Variants in BMP2K observed in about 807,000 individuals in gnomAD.
BMP2K encodes BMP-2-inducible protein kinase.
In BMP2K, 74 loss-of-function variants were observed where a neutral mutation model predicts 116.0. The ratio of observed to expected loss-of-function variants is 0.64; its 90% CI spans 0.53 to 0.77. The LOEUF is 0.77. Ranked by LOEUF, BMP2K falls within the 30% of genes least tolerant of loss-of-function variation. BMP2K has a pLI of 0.00. For synonymous variants in BMP2K, 486 were observed against 502.5 expected (o/e 0.97, Z 0.44); for missense variants, 1,365 against 1,403.6 (o/e 0.97, Z 0.44).
At chr4:78,776,754 G>GT in intron 1 of BMP2K, 33 bp downstream of exon 1, 1 of 1,253,150 alleles carries the variant, frequency 8.0e-7, no homozygotes, top group Non-Finnish European at 1.0e-6. Context: ...GGACAGGCAG[G>GT]TGAGGGAGGG....
intron 1 of BMP2K, among the ~76,000 whole-genome samples, chr4:78,801,467 C>T (rs982890448): frequency 7.9e-5 from 12 of 152,050 alleles, no homozygotes; most frequent in African/African-American, 2.7e-4. Flanking sequence ...CCCTACTCCC[C>T]TCTTAACAGT....
chr4:78,797,233 A>C (rs1379821424), intron 1 of BMP2K, among the ~76,000 whole-genome samples: 1 of 152,148 alleles, frequency 6.6e-6, no homozygotes, highest in Non-Finnish European at 1.5e-5. Context: ...TGGTATCTGC[A>C]AGCTCTCAGG....
chr4:78,803,811 T>G (rs1728686797), intron 1 of BMP2K, among the ~76,000 whole-genome samples: 1 of 152,174 alleles, frequency 6.6e-6, no homozygotes. Flanking sequence ...CCTAAGAGCA[T>G]AATATATGAT....
chr4:78,911,598 G>GGA lies in BMP2K; in HGVS notation c.3052_3053insAG (p.Ala1018GlufsTer20). On this transcript the variant is annotated frameshift_variant, in exon 16 of 16. Transcript: ENST00000502613. LOFTEE classifies it high-confidence loss of function. ...AGCCTACCTATCGCACTCCAGAGAG[G>GGA]GCTCGCAGGCACAAAAAAGTGGGCC... The GGA allele has an allele frequency of 6.2e-7, 1 of 1,613,890 alleles. No individual in the cohort carries two copies. Among genetic ancestry groups the GGA allele is most frequent in the Non-Finnish European group, 8.5e-7 (1 of 1,179,882 alleles).
chr4:78,860,561 CACTG>C (rs549027865), intron 8 of BMP2K, among the ~76,000 whole-genome samples: 3 of 151,944 alleles, frequency 2.0e-5, no homozygotes, highest in South Asian at 4.2e-4. Flanking sequence ...CAATTTTATT[CACTG>C]ACTGTACAGT....
chr4:78,895,873 C>T (rs1428949885), intron 15 of BMP2K, among the ~76,000 whole-genome samples: 1 of 144,000 alleles, frequency 6.9e-6, no homozygotes, highest in Non-Finnish European at 1.5e-5. Context: ...GCAGTCCTCC[C>T]ACCTTAGCCT....
Position 78,870,928 on chromosome 4 carries a change from CCAG to C in BMP2K, c.1401_1403del (p.Gln486del), listed in dbSNP as rs3063772. 17,635 of 1,458,268 alleles carry C rather than the reference CCAG, an allele frequency of 0.012. 966 individuals carry two copies. The African/African-American group carries it at 0.17, about 14-fold the overall frequency. The allele number at this position is 1,458,268 out of a possible 1,614,324, so 90.3% of individuals were successfully genotyped here. A position where few individuals can be genotyped will look rare whatever the true frequency, so the allele number is the denominator to read the frequency against. ...TCCATTTACAGCATCGTCATCCTCA[CCAG>C]CAGCAGCAGCAGCAGCAGCAGCAAC... is the stretch of plus-strand genomic sequence containing the variant. On this transcript the variant is annotated inframe_deletion, in exon 11 of 16. Transcript: ENST00000502613.
chr4:78,872,324 T>G (rs866152499), intron 12 of BMP2K: 6,860 of 207,592 alleles, frequency 0.033, 110 homozygotes, highest in African/African-American at 0.12. Flanking sequence ...TTTTTTTTTT[T>G]TTTTTAACAG....
Position 78,850,086 on chromosome 4 carries a change from C to A in BMP2K, c.751-838C>A, listed in dbSNP as rs376287270. Among the ~76,000 whole-genome samples, 452 of 151,786 alleles carry A rather than the reference C, an allele frequency of 3.0e-3. 1 individual carries two copies. Among genetic ancestry groups the A allele is most frequent in the Non-Finnish European group, 5.3e-3 (361 of 67,742 alleles). On this transcript the variant is annotated intron_variant, in intron 6 of 15. Transcript: ENST00000502613. ...TGGTTAGAATTGGAAATACCCCTTA[C>A]ACTCTTAAGGCCTGTAGGTGACACT...
rs986776313 is a variant in BMP2K, at chr4:78,776,389, C to G, written c.-155C>G. 13 of 718,246 alleles carry G rather than the reference C, an allele frequency of 1.8e-5. No homozygotes were observed. In the African/African-American group the frequency reaches 2.1e-4, roughly 12 times the overall value. The allele number at this position is 718,246 out of a possible 1,614,324, so 44.5% of individuals were successfully genotyped here. A position where few individuals can be genotyped will look rare whatever the true frequency, so the allele number is the denominator to read the frequency against. On this transcript the variant is annotated 5_prime_UTR_variant, in exon 1 of 16. Coordinates refer to ENST00000502613, the MANE Select transcript of BMP2K (RefSeq NM_198892.2). ...CGCGGAGCGGGCGGCGGGGCCCAGG[C>G]TGTGCGCTTGGGGAGCGCGGAATGT...
intron 1 of BMP2K, among the ~76,000 whole-genome samples, chr4:78,791,918 A>G (rs754014584): frequency 1.8e-4 from 27 of 152,220 alleles, no homozygotes; most frequent in Non-Finnish European, 3.7e-4. Flanking sequence ...ACAAATATGT[A>G]TATGTTTGAG....
chr4:78,868,594 T>G (rs1173445708), intron 10 of BMP2K, among the ~76,000 whole-genome samples: 3 of 152,182 alleles, frequency 2.0e-5, no homozygotes, highest in Non-Finnish European at 4.4e-5. Flanking sequence ...GGCAAGTCCC[T>G]TCCACCTATG....
At chr4:78,791,538 C>T (rs988700674) in intron 1 of BMP2K, among the ~76,000 whole-genome samples, 2 of 151,702 alleles carry the variant, frequency 1.3e-5, no homozygotes, top group African/African-American at 4.8e-5. Context: ...GTGCATTCAT[C>T]ATCACTATTT....
At chr4:78,833,467 C>T in intron 2 of BMP2K, 115 bp from the exon 3 acceptor site, 1 of 679,994 alleles carries the variant, frequency 1.5e-6, no homozygotes, top group Admixed American at 3.1e-5. Flanking sequence ...ATTCTGTACT[C>T]ATGCCTAATT....
intron 6 of BMP2K, among the ~76,000 whole-genome samples, chr4:78,848,350 A>AT (rs1255023990): frequency 1.3e-5 from 2 of 151,534 alleles, no homozygotes; most frequent in Non-Finnish European, 3.0e-5. Context: ...CAGCATTAAC[A>AT]TTTGACTCAT....
At chr4:78,785,604 T>C (rs910798968) in intron 1 of BMP2K, among the ~76,000 whole-genome samples, 1 of 152,188 alleles carries the variant, frequency 6.6e-6, no homozygotes, top group African/African-American at 2.4e-5. Context: ...TCATGCACAA[T>C]ATATGTATTT....
chr4:78,820,494 A>G (rs555046301), intron 1 of BMP2K, among the ~76,000 whole-genome samples: 65 of 152,156 alleles, frequency 4.3e-4, no homozygotes, highest in Non-Finnish European at 8.5e-4. Context: ...TGTGTGTTAT[A>G]TCTTTGATAC....
intron 7 of BMP2K, among the ~76,000 whole-genome samples, chr4:78,858,717 A>G (rs1347183480): frequency 6.6e-6 from 1 of 151,814 alleles, no homozygotes; most frequent in African/African-American, 2.4e-5. Context: ...AAACTTAAGA[A>G]TATCTAATTC....
intron 13 of BMP2K, among the ~76,000 whole-genome samples, chr4:78,876,279 T>G (rs1732627901): frequency 6.6e-6 from 1 of 152,042 alleles, no homozygotes; most frequent in Non-Finnish European, 1.5e-5. Flanking sequence ...TTCAATTTTC[T>G]GGGTAAAAAC....
Sources: gnomAD v4.1 joint callset for allele counts (sites outside exome capture counted in the v4.1 genomes callset) on GRCh38, gnomAD v4.1.1 for gene constraint, MANE v1.5 for transcripts, NCBI Gene and HGNC (gene_info 2026-07-23, HGNC 2026-07-21) for gene names.